The following PDE8B variants were observed in gnomAD, a reference collection of about 807,000 sequenced individuals.
PDE8B encodes high affinity cAMP-specific and IBMX-insensitive 3',5'-cyclic phosphodiesterase 8B.
A neutral mutation model predicts 101.3 loss-of-function variants in PDE8B; 26 were observed. The observed-to-expected ratio is 0.26, with a 90% CI of 0.19 to 0.36. PDE8B has a LOEUF of 0.36. Ranked by LOEUF, PDE8B falls within the 10% of genes least tolerant of loss-of-function variation. PDE8B has a pLI of 1.00. For synonymous variants in PDE8B, 424 were observed against 429.3 expected (o/e 0.99, Z 0.15); for missense variants, 810 against 1,163.1 (o/e 0.70, Z 4.42).
the PDE8B span, among the ~76,000 whole-genome samples, chr5:77,152,895 C>T: frequency 1.3e-5 from 2 of 152,138 alleles, no homozygotes; most frequent in East Asian, 3.9e-4. Flanking sequence ...TGCTTATTTG[C>T]ATGGAGGAAG....
chr5:77,310,030 A>AC (rs1411527214), intron 1 of PDE8B, among the ~76,000 whole-genome samples: 1 of 117,918 alleles, frequency 8.5e-6, no homozygotes, highest in Non-Finnish European at 1.6e-5. Flanking sequence ...GCTTACTGCA[A>AC]CCTCTGCCTC....
the PDE8B span, among the ~76,000 whole-genome samples, chr5:77,189,704 G>A: frequency 6.6e-6 from 1 of 152,192 alleles, no homozygotes; most frequent in South Asian, 2.1e-4. Context: ...CAGGAGCTGA[G>A]GGCAGAGAGG....
intron 20 of PDE8B, among the ~76,000 whole-genome samples, chr5:77,424,502 T>G (rs1797484093): frequency 6.6e-6 from 1 of 152,218 alleles, no homozygotes; most frequent in Admixed American, 6.5e-5. Context: ...AATACTCAGA[T>G]TTCCACACAC....
At chr5:77,102,917 A>G in the PDE8B span, among the ~76,000 whole-genome samples, 2 of 152,192 alleles carry the variant, frequency 1.3e-5, no homozygotes, top group Non-Finnish European at 2.9e-5. Flanking sequence ...AGATGCCAGC[A>G]CTCACTTGAC....
chr5:77,126,114 G>A, the PDE8B span, among the ~76,000 whole-genome samples: 4 of 151,976 alleles, frequency 2.6e-5, no homozygotes, highest in East Asian at 1.9e-4. Context: ...GTGAAACCCC[G>A]TCTCTACTAA....
Position 77,404,729 on chromosome 5 carries a change from C to T in PDE8B, c.1220C>T (p.Ser407Leu), listed in dbSNP as rs745835846. The change falls in exon 12 of 22, where the codon TCA (serine) becomes TTA (leucine). Residue 407 changes from serine (S) to leucine (L), a missense_variant. Ser to Leu is a moderately radical substitution (Grantham distance 145). This residue lies in a region of PDE8B where 75 missense variants were observed against 76.9 expected (regional missense o/e 0.98). Coordinates refer to ENST00000264917, the MANE Select transcript of PDE8B (RefSeq NM_003719.5). ...AATCTGAAATCCTTAGAGCCTCATTCATTCAGATATAAGAACAGGAGGAAA... is the reference window on the plus strand; with the variant it reads ...AATCTGAAATCCTTAGAGCCTCATTTATTCAGATATAAGAACAGGAGGAAA... ...SGDNSQTEPH[S>L]FRYKNRRKES... 3 of 1,586,924 alleles carry T rather than the reference C, an allele frequency of 1.9e-6. No homozygotes were observed. The highest frequency in any genetic ancestry group is 1.7e-4 in the Middle Eastern group (1 of 6,014).
the PDE8B span, among the ~76,000 whole-genome samples, chr5:77,177,186 A>G: frequency 6.6e-6 from 1 of 152,168 alleles, no homozygotes; most frequent in Non-Finnish European, 1.5e-5. Context: ...GTATGATGGC[A>G]GAAGTGGAGG....
chr5:77,382,097 T>A (rs1787603124), intron 10 of PDE8B, among the ~76,000 whole-genome samples: 1 of 152,198 alleles, frequency 6.6e-6, no homozygotes, highest in Admixed American at 6.5e-5. Flanking sequence ...AACATACAAT[T>A]TTCCCAATAC....
At chr5:77,288,484 G>T (rs1330763290) in intron 1 of PDE8B, among the ~76,000 whole-genome samples, 1 of 152,090 alleles carries the variant, frequency 6.6e-6, no homozygotes, top group East Asian at 1.9e-4. Flanking sequence ...AATTTCTCTA[G>T]TTATTCTTAT....
the PDE8B span, chr5:77,145,657 A>G: frequency 2.0e-5 from 3 of 152,220 alleles, no homozygotes; most frequent in Non-Finnish European, 2.9e-5. Context: ...GCCTAGCTCA[A>G]AAAGAACCTT....
chr5:77,154,700 G>T, the PDE8B span, among the ~76,000 whole-genome samples: 1 of 152,198 alleles, frequency 6.6e-6, no homozygotes, highest in Non-Finnish European at 1.5e-5. Context: ...AGGTGACCTT[G>T]TGACGTGACA....
At chr5:77,378,247 T>A (rs1056904290) in intron 10 of PDE8B, among the ~76,000 whole-genome samples, 16 of 151,838 alleles carry the variant, frequency 1.1e-4, no homozygotes, top group African/African-American at 3.6e-4. Context: ...GATCATGAGC[T>A]CAAGAGATCG....
chr5:77,420,707 C>G (rs1288505556), intron 19 of PDE8B, among the ~76,000 whole-genome samples: 2 of 152,074 alleles, frequency 1.3e-5, no homozygotes, highest in African/African-American at 4.8e-5. Context: ...AACACCAGAG[C>G]CCTCTCCTTC....
At chr5:77,280,864 T>C (rs1268241202) in intron 1 of PDE8B, among the ~76,000 whole-genome samples, 2 of 152,140 alleles carry the variant, frequency 1.3e-5, no homozygotes, top group Non-Finnish European at 2.9e-5. Flanking sequence ...GCCACTGCAC[T>C]CCAGCCTGGG....
chr5:77,227,620 A>G (rs1469674601), intron 1 of PDE8B, among the ~76,000 whole-genome samples: 1 of 152,178 alleles, frequency 6.6e-6, no homozygotes, highest in Non-Finnish European at 1.5e-5. Flanking sequence ...GTGCATGTCC[A>G]TAAGAGATAA....
the PDE8B span, among the ~76,000 whole-genome samples, chr5:77,184,215 T>A: frequency 8.5e-5 from 13 of 152,152 alleles, no homozygotes; most frequent in Admixed American, 6.5e-5. Flanking sequence ...ATCCTCCCAC[T>A]TCAGCCTCCC....
intron 14 of PDE8B, among the ~76,000 whole-genome samples, chr5:77,409,447 A>C (rs1794113734): frequency 6.6e-6 from 1 of 152,178 alleles, no homozygotes; most frequent in Non-Finnish European, 1.5e-5. Flanking sequence ...CATGTAATGA[A>C]AGGGTTTATT....
chr5:77,349,886 A>G (rs1202274478), intron 8 of PDE8B, among the ~76,000 whole-genome samples: 3 of 152,122 alleles, frequency 2.0e-5, no homozygotes, highest in African/African-American at 7.2e-5. Flanking sequence ...TTTTCAGTTT[A>G]TCCAGTGTTT....
At chr5:77,237,011 CT>C (rs927809677) in intron 1 of PDE8B, among the ~76,000 whole-genome samples, 2 of 152,114 alleles carry the variant, frequency 1.3e-5, no homozygotes, top group African/African-American at 4.8e-5. Context: ...GGTGAATTGA[CT>C]TTTTTATGAT....
Sources: gnomAD v4.1 joint callset for allele counts (sites outside exome capture counted in the v4.1 genomes callset) on GRCh38, gnomAD v4.1.1 for gene constraint, gnomAD v4.1.1 regional missense constraint, MANE v1.5 for transcripts, NCBI Gene and HGNC (gene_info 2026-07-23, HGNC 2026-07-21) for gene names.